The following MKRN1 variants were observed in gnomAD, a reference collection of about 807,000 sequenced individuals.
The protein encoded by MKRN1 is E3 ubiquitin-protein ligase makorin-1.
A neutral mutation model predicts 55.5 loss-of-function variants in MKRN1; 9 were observed. The observed-to-expected ratio is 0.16, with a 90% confidence interval of 0.10 to 0.28. The LOEUF (loss-of-function observed/expected upper bound fraction) is 0.28. Ranked by LOEUF, MKRN1 falls within the 10% of genes least tolerant of loss-of-function variation. The pLI, the probability that MKRN1 is intolerant of heterozygous loss-of-function variation, is 1.00. For missense variants in MKRN1, 488 were observed against 626.7 expected (o/e 0.78, Z 2.36); for synonymous variants, 253 against 235.9 (o/e 1.07, Z -0.66).
intron 1 of MKRN1, chr7:140,474,564 A>C (rs1795064437): frequency 1.1e-5 from 2 of 175,500 alleles, no homozygotes; most frequent in African/African-American, 4.8e-5. Flanking sequence ...TAGCGATAGC[A>C]AATTAATTTT....
intron 2 of MKRN1, among the ~76,000 whole-genome samples, chr7:140,469,801 A>G (rs1001532658): frequency 3.9e-5 from 6 of 151,924 alleles, no homozygotes; most frequent in Non-Finnish European, 8.8e-5. Flanking sequence ...GCTCATGCCT[A>G]CAATCCCAGC....
rs1794748021 is a variant in MKRN1, at chr7:140,465,806, G to A, written c.315-5870C>T. On this transcript the variant is annotated intron_variant, in intron 2 of 7. Coordinates refer to ENST00000255977, the MANE Select transcript of MKRN1 (RefSeq NM_013446.4). ...CTAAGAGTAAGAGGTAGGTGGCCGG[G>A]TGTGGTGGCTCACGCCTGTAATCCC... is the stretch of plus-strand genomic sequence containing the variant. Among the ~76,000 whole-genome samples, 3 of 152,168 alleles carry A rather than the reference G, an allele frequency of 2.0e-5. No homozygotes were observed. In the South Asian group the frequency reaches 6.2e-4, roughly 32 times the overall value.
intron 1 of MKRN1, among the ~76,000 whole-genome samples, chr7:140,475,044 T>C (rs774764855): frequency 6.6e-6 from 1 of 151,748 alleles, no homozygotes; most frequent in Non-Finnish European, 1.5e-5. Context: ...TTAACCACAT[T>C]TTTAAAAACT....
chr7:140,479,074 G>C (rs1795210637), intron 1 of MKRN1, 86 bp downstream of exon 1: 3 of 1,237,202 alleles, frequency 2.4e-6, no homozygotes, highest in Non-Finnish European at 2.0e-6. Flanking sequence ...TCTAGCCGCA[G>C]GCCGGCCGCC....
Position 140,474,029 on chromosome 7 carries a change from GAA to G in MKRN1, c.186-2020_186-2019del, listed in dbSNP as rs1468680614. Among the ~76,000 whole-genome samples the G allele has an allele frequency of 8.6e-5, 4 of 46,470 alleles. 1 individual carries two copies. In the African/African-American group the frequency reaches 1.0e-3, roughly 12 times the overall value. 30.5% of individuals were successfully genotyped at this position (46,470 alleles called of 152,430 possible). ...AAAAAGAAAGAAAGAAAGAAAGAAA[GAA>G]AGAAAGAAAGAAAGAAAGAAAGAAA... On this transcript the variant is annotated intron_variant, in intron 1 of 7. Transcript: ENST00000255977.
intron 1 of MKRN1, chr7:140,475,214 GTGCCTGTAA>G (rs1213958810): frequency 2.3e-6 from 1 of 441,104 alleles, no homozygotes; most frequent in Non-Finnish European, 4.5e-6. Context: ...GTGATGGCAC[GTGCCTGTAA>G]TCCCAGCTTC....
intron 2 of MKRN1, chr7:140,460,205 C>G (rs1245781173): frequency 2.6e-6 from 1 of 383,982 alleles, no homozygotes. Flanking sequence ...CGAGATCATG[C>G]CACTGTACTC....
At chr7:140,466,257 T>C (rs536878632) in intron 2 of MKRN1, among the ~76,000 whole-genome samples, 1 of 152,322 alleles carries the variant, frequency 6.6e-6, no homozygotes, top group South Asian at 2.1e-4. Flanking sequence ...TCAAGTAGAC[T>C]ACTATAGTTT....
rs553017556 is a variant in MKRN1, at chr7:140,477,482, G to C, written c.185+1678C>G. ...ATTACAAGCGCCTGTCACCACGCCC[G>C]GCTAATGTTTTTTGTATTTTCAGTA... On this transcript the variant is annotated intron_variant, in intron 1 of 7. Transcript: ENST00000255977. Among the ~76,000 whole-genome samples, 5 of 152,160 alleles carry C rather than the reference G, an allele frequency of 3.3e-5. No homozygotes were observed. The East Asian group carries it at 7.7e-4, about 23-fold the overall frequency.
chr7:140,453,770 G>A lies in MKRN1; in HGVS notation c.*747C>T, dbSNP rs569911355. On this transcript the variant is annotated 3_prime_UTR_variant, in exon 8 of 8. Transcript: ENST00000255977. The stretch of plus-strand genomic sequence containing the variant: ...AGGCTAAGAATACTGCATCTATGCA[G>A]GGATGAGAAGCTTATCACACACCCA... 1 of 153,546 alleles carries A rather than the reference G, an allele frequency of 6.5e-6. No homozygotes were observed. Among genetic ancestry groups the A allele is most frequent in the South Asian group, 2.0e-4 (1 of 4,882 alleles). 9.5% of individuals were successfully genotyped at this position (153,546 alleles called of 1,614,324 possible).
intron 2 of MKRN1, among the ~76,000 whole-genome samples, chr7:140,465,347 A>G (rs1794737985): frequency 6.6e-6 from 1 of 152,054 alleles, no homozygotes; most frequent in South Asian, 2.1e-4. Context: ...AAAAATAACA[A>G]AATTTAGCCA....
intron 1 of MKRN1, 66 bp downstream of exon 1, chr7:140,479,093 TC>T: frequency 8.0e-7 from 1 of 1,252,964 alleles, no homozygotes; most frequent in Non-Finnish European, 1.0e-6. Flanking sequence ...CCCTCCTCCC[TC>T]CCGCGCCGCA....
intron 2 of MKRN1, among the ~76,000 whole-genome samples, chr7:140,469,826 G>T (rs59578412): frequency 0.015 from 2,241 of 152,108 alleles, 61 homozygotes; most frequent in African/African-American, 0.052. Flanking sequence ...TGGGAGGCTG[G>T]TGTGGGCTGG....
At position 140,455,373 on chromosome 7, in the gene MKRN1, CAT is replaced by C. The variant is rs1024912002; in HGVS notation, c.1098-142_1098-141del. 1.5e-5 allele frequency: 16 copies of C among 1,043,956 alleles called. No individual in the cohort carries two copies. The East Asian group carries it at 2.2e-4, about 15-fold the overall frequency. The allele number at this position is 1,043,956 out of a possible 1,614,324, so 64.7% of individuals were successfully genotyped here. ...CCTCCCCAAGATGTGTTCTTATAAA[CAT>C]GTGTGTGCCAATGCAAGAAACACTA... is the stretch of plus-strand genomic sequence containing the variant. On this transcript the variant is annotated intron_variant, in intron 6 of 7. Transcript: ENST00000255977.
At chr7:140,455,656 A>T in intron 6 of MKRN1, 134 bp downstream of exon 6, 1 of 682,336 alleles carries the variant, frequency 1.5e-6, no homozygotes, top group South Asian at 1.8e-5. Context: ...TATCAGGGTG[A>T]CAAAATAAAC....
chr7:140,466,810 C>CAAAAA (rs563645827), intron 2 of MKRN1, among the ~76,000 whole-genome samples: 1 of 87,196 alleles, frequency 1.1e-5, no homozygotes, highest in African/African-American at 5.1e-5. Context: ...GACTCCGTCT[C>CAAAAA]AAAAAAAAAA....
chr7:140,455,143 A>G lies in MKRN1; in HGVS notation c.1188T>C (p.Arg396=), dbSNP rs1062779. 4 of 1,613,550 alleles carry G rather than the reference A, an allele frequency of 2.5e-6. No homozygotes were observed. Among genetic ancestry groups the G allele is most frequent in the African/African-American group, 1.3e-5 (1 of 74,738 alleles). ...CFYKHAYPDG[R]REEPQRQKVG... is the part of the protein sequence containing the mutation. The stretch of plus-strand genomic sequence containing the variant: ...CTTTCTGTCTCTGTGGCTCCTCTCT[A>G]CGGCCATCAGGGTACGCATGCTTGT... Residue 396 remains arginine (R), a synonymous_variant, in exon 7 of 8, where the codon CGT becomes CGC. Coordinates refer to ENST00000255977, the MANE Select transcript of MKRN1 (RefSeq NM_013446.4).
Position 140,453,861 on chromosome 7 carries a change from A to C in MKRN1, c.*656T>G, listed in dbSNP as rs1302514775. 6.4e-6 allele frequency: 1 copy of C among 156,786 alleles called. No individual in the cohort carries two copies. Among genetic ancestry groups the C allele is most frequent in the Non-Finnish European group, 1.4e-5 (1 of 70,412 alleles). The allele number at this position is 156,786 out of a possible 1,614,324, so 9.7% of individuals were successfully genotyped here. A position where few individuals can be genotyped will look rare whatever the true frequency, so the allele number is the denominator to read the frequency against. On this transcript the variant is annotated 3_prime_UTR_variant, in exon 8 of 8. Coordinates refer to ENST00000255977, the MANE Select transcript of MKRN1 (RefSeq NM_013446.4). ...CTCTGCATTGATGTTATGCCTCTCT[A>C]TCTTTTATACGTATTCTTTCTCAAT...
chr7:140,459,275 G>C (rs763684136), intron 3 of MKRN1, 42 bp from the exon 4 acceptor site: 115 of 1,584,104 alleles, frequency 7.3e-5, no homozygotes, highest in Non-Finnish European at 9.5e-5. Flanking sequence ...AAATAGATAA[G>C]GCATGAACTA....
Sources: allele counts gnomAD v4.1 joint callset (sites outside exome capture counted in the v4.1 genomes callset), GRCh38; gene constraint gnomAD v4.1.1; transcripts MANE v1.5; gene names NCBI Gene and HGNC (gene_info 2026-07-23, HGNC 2026-07-21).